Variants in HGSNAT observed in about 807,000 individuals in gnomAD.
The protein encoded by HGSNAT is heparan-alpha-glucosaminide N-acetyltransferase, also known as transmembrane protein 76.
Under a neutral mutation model 85.2 loss-of-function variants are expected in HGSNAT, and 59 were observed. The observed-to-expected ratio is 0.69, with a 90% CI of 0.56 to 0.86. The LOEUF is 0.86. Among genes scored for constraint, HGSNAT ranks in the 40% least tolerant of loss-of-function variants. The pLI, the probability that HGSNAT is intolerant of heterozygous loss-of-function variation, is 0.00. For synonymous variants in HGSNAT, 321 were observed against 304.5 expected, an observed-to-expected ratio of 1.05 and a Z score of -0.56; for missense variants, 756 against 777.1, an observed-to-expected ratio of 0.97 and a Z score of 0.32.
chr8:43,167,867 T>C (rs1803480465), intron 5 of HGSNAT: 1 of 208,216 alleles, frequency 4.8e-6, no homozygotes. Context: ...TATTTATCTT[T>C]TGTTAGTCAT....
chr8:43,163,297 C>T (rs1433199870), intron 5 of HGSNAT, among the ~76,000 whole-genome samples: 1 of 152,130 alleles, frequency 6.6e-6, no homozygotes, highest in Non-Finnish European at 1.5e-5. Context: ...GCCCTTCCAG[C>T]CTGCGGGCAG....
chr8:43,196,747 T>G (rs1804740306), intron 14 of HGSNAT: 2 of 600,632 alleles, frequency 3.3e-6, no homozygotes, highest in Non-Finnish European at 5.9e-6. Context: ...AGAGAGGGCG[T>G]TCATCTCTGG....
At chr8:43,161,595 T>G in intron 5 of HGSNAT, 88 bp downstream of exon 5, 1 of 908,756 alleles carries the variant, frequency 1.1e-6, no homozygotes, top group Non-Finnish European at 1.7e-6. Context: ...CAAGTGGCCA[T>G]ATTCTTCGAT....
intron 7 of HGSNAT, among the ~76,000 whole-genome samples, chr8:43,171,133 A>G (rs892754703): frequency 6.6e-6 from 1 of 152,212 alleles, no homozygotes; most frequent in Non-Finnish European, 1.5e-5. Flanking sequence ...CCCTCGTGCT[A>G]GCAAACCCAT....
At chr8:43,147,112 T>TATG in intron 2 of HGSNAT, 49 bp downstream of exon 2, 1 of 1,090,726 alleles carries the variant, frequency 9.2e-7, no homozygotes, top group Non-Finnish European at 1.4e-6. Flanking sequence ...GCTTGTTTGA[T>TATG]ATGATCCTTA....
intron 17 of HGSNAT, among the ~76,000 whole-genome samples, chr8:43,199,170 G>T (rs1804834930): frequency 6.6e-6 from 1 of 152,134 alleles, no homozygotes; most frequent in Admixed American, 6.5e-5. Flanking sequence ...CAAAGTGCTG[G>T]GATTATAGTC....
rs1803502708 is a variant in HGSNAT at position 43,168,374 on chromosome 8, A to G, written c.564-799A>G. On this transcript the variant is annotated intron_variant, in intron 5 of 17. Coordinates refer to ENST00000379644, the MANE Select transcript of HGSNAT (RefSeq NM_152419.3). ...TGTTAGGTTTTTGCTTTTTGTATTT[A>G]ATAGTTGATCTTTTTTTTTTTTTTT... Among the ~76,000 whole-genome samples the G allele has an allele frequency of 2.1e-5, 3 of 146,070 alleles. No homozygotes were observed. In the Admixed American group the frequency reaches 2.1e-4, roughly 10 times the overall value.
Position 43,140,594 on chromosome 8 carries a change from C to T in HGSNAT, c.98C>T (p.Ala33Val), listed in dbSNP as rs1802483575. ...CCCGGCGGCTCTTCGGGGCGCGATG[C>T]CCAGGCCGCGCCGCCACGAGGTGAG... is the stretch of plus-strand genomic sequence containing the variant. ...LAPGGSSGRD[A>V]QAAPPRDLDK... is the part of the protein sequence containing the mutation. The change falls in exon 1 of 18, where the codon GCC becomes GTC. Residue 33 changes from alanine to valine, a missense_variant. Ala to Val is a moderately conservative substitution (Grantham distance 64). Coordinates refer to ENST00000379644, the MANE Select transcript of HGSNAT (RefSeq NM_152419.3). 8.1e-7 allele frequency: 1 copy of T among 1,235,968 alleles called. No individual in the cohort carries two copies. The highest frequency in any genetic ancestry group is 1.0e-6 in the Non-Finnish European group (1 of 981,152). 76.6% of individuals were successfully genotyped at this position (1,235,968 alleles called of 1,614,324 possible). A position where few individuals can be genotyped will look rare whatever the true frequency, so the allele number is the denominator to read the frequency against.
At chr8:43,198,530 G>T (rs1030039475) in intron 17 of HGSNAT, among the ~76,000 whole-genome samples, 4 of 151,964 alleles carry the variant, frequency 2.6e-5, no homozygotes, top group Admixed American at 1.3e-4. Context: ...CTCGTGATCC[G>T]CCCGCCTCGG....
At chr8:43,167,245 A>G (rs745446045) in intron 5 of HGSNAT, among the ~76,000 whole-genome samples, 1 of 152,204 alleles carries the variant, frequency 6.6e-6, no homozygotes, top group Non-Finnish European at 1.5e-5. Flanking sequence ...GAGACGATTG[A>G]CTCTAATTTT....
chr8:43,154,500 C>A (rs1343095433), intron 2 of HGSNAT, among the ~76,000 whole-genome samples: 1 of 152,084 alleles, frequency 6.6e-6, no homozygotes, highest in Admixed American at 6.6e-5. Context: ...CAGCTTCATC[C>A]ATGTCCCTAC....
At chr8:43,161,376 G>A in intron 4 of HGSNAT, 62 bp from the exon 5 acceptor site, 1 of 1,262,576 alleles carries the variant, frequency 7.9e-7, no homozygotes, top group Non-Finnish European at 1.2e-6. Flanking sequence ...GTAATGATGT[G>A]ATGTCTTTGA....
intron 14 of HGSNAT, among the ~76,000 whole-genome samples, chr8:43,195,571 AG>A (rs1371059088): frequency 2.2e-4 from 29 of 130,626 alleles, no homozygotes; most frequent in Non-Finnish European, 4.2e-4. Flanking sequence ...GAGGAGGAAG[AG>A]GGGGTGGAGG....
chr8:43,190,430 C>T (rs985364935), intron 11 of HGSNAT, among the ~76,000 whole-genome samples: 18 of 152,094 alleles, frequency 1.2e-4, no homozygotes, highest in Middle Eastern at 3.2e-3. Context: ...GCGTTTTAGT[C>T]ATTGTTACTC....
chr8:43,183,316 A>T (rs1414142333), intron 11 of HGSNAT, among the ~76,000 whole-genome samples: 1 of 150,838 alleles, frequency 6.6e-6, no homozygotes, highest in Non-Finnish European at 1.5e-5. Flanking sequence ...ATAGGCATGC[A>T]CTACCATGCC....
intron 10 of HGSNAT, among the ~76,000 whole-genome samples, chr8:43,179,627 CA>C: frequency 6.8e-5 from 3 of 44,320 alleles, no homozygotes; most frequent in Admixed American, 4.1e-4. Context: ...AGGCGCCCCT[CA>C]CCTCCCGGAC....
chr8:43,186,434 T>A (rs1284931601), intron 11 of HGSNAT, among the ~76,000 whole-genome samples: 1 of 152,190 alleles, frequency 6.6e-6, no homozygotes, highest in Non-Finnish European at 1.5e-5. Flanking sequence ...AGTAGAAGTG[T>A]TTATAGTATT....
chr8:43,180,108 C>G lies in HGSNAT; in HGVS notation c.1012+1874C>G, dbSNP rs1383921299. ...CGGACGGGGCGGCTGGCCGACCCCC[C>G]CCCCCACCGCCTCCCTCCCGGATGG... On this transcript the variant is annotated intron_variant, in intron 10 of 17. Coordinates refer to ENST00000379644, the MANE Select transcript of HGSNAT (RefSeq NM_152419.3). Among the ~76,000 whole-genome samples, 2 of 129,622 alleles carry G rather than the reference C, an allele frequency of 1.5e-5. 1 individual carries two copies. Among genetic ancestry groups the G allele is most frequent in the Non-Finnish European group, 3.3e-5 (2 of 60,224 alleles). 85.0% of individuals were successfully genotyped at this position (129,622 alleles called of 152,430 possible). A position where few individuals can be genotyped will look rare whatever the true frequency, so the allele number is the denominator to read the frequency against.
Position 43,173,725 on chromosome 8 carries a change from C to T in HGSNAT, c.833C>T (p.Ala278Val). ...KHASWNGLTV[A>V]DLVFPWFVFI... ...ACTTGTTCTGCAGGGCTGACAGTGG[C>T]TGACCTCGTGTTCCCGTGGTGAGTT... is the stretch of plus-strand genomic sequence containing the variant. Residue 278 changes from alanine to valine, a missense_variant, in exon 9 of 18, where the codon GCT (alanine) becomes GTT (valine). Physicochemically the swap from Ala to Val is moderately conservative, Grantham distance 64. Transcript: ENST00000379644. 1 of 1,613,104 alleles carries T rather than the reference C, an allele frequency of 6.2e-7. No individual in the cohort carries two copies. Among genetic ancestry groups the T allele is most frequent in the Non-Finnish European group, 8.5e-7 (1 of 1,179,518 alleles).
Sources: allele counts gnomAD v4.1 joint callset (sites outside exome capture counted in the v4.1 genomes callset), GRCh38; gene constraint gnomAD v4.1.1; transcripts MANE v1.5; gene names NCBI Gene and HGNC (gene_info 2026-07-23, HGNC 2026-07-21).